Variants in HDX observed in about 807,000 individuals in gnomAD.
HDX encodes the protein chromosome X open reading frame 43.
A neutral mutation model predicts 45.2 loss-of-function variants in HDX; 19 were observed. That is an observed-to-expected ratio of 0.42 (90% CI 0.29 to 0.62). The LOEUF (loss-of-function observed/expected upper bound fraction) is 0.62, where lower values mean the gene tolerates loss of function less well. Among genes scored for constraint, HDX ranks in the 20% least tolerant of loss-of-function variants. The pLI is 0.20. For missense variants in HDX, 532 were observed against 493.9 expected, an observed-to-expected ratio of 1.08 and a Z score of -0.73; for synonymous variants, 188 against 172.8, an observed-to-expected ratio of 1.09 and a Z score of -0.69.
intron 8 of HDX, 33 bp from the exon 9 acceptor site, chrX:84,333,875 A>G: frequency 6.8e-6 from 4 of 592,292 alleles, no homozygotes; most frequent in Non-Finnish European, 1.1e-5. Context: ...ACAAATATAT[A>G]TCACATCATT....
intron 4 of HDX, among the ~76,000 whole-genome samples, chrX:84,458,553 C>T (rs1184345226): frequency 8.9e-6 from 1 of 112,008 alleles, no homozygotes; most frequent in Non-Finnish European, 1.9e-5. Flanking sequence ...AAAACATATA[C>T]CATAATCACA....
At position 84,468,650 on chromosome X, in the gene HDX, C is replaced by T. The variant is rs991499364; in HGVS notation, c.1073G>A (p.Arg358Lys). 1.7e-6 allele frequency: 2 copies of T among 1,206,004 alleles called. No individual in the cohort carries two copies. Among genetic ancestry groups the T allele is most frequent in the Non-Finnish European group, 2.2e-6 (2 of 891,890 alleles). ...ATACAGTACATTGTCTGACATATCTCTAATATTCACCATTTGTGAATTTGG... is the reference window on the plus strand; with the variant it reads ...ATACAGTACATTGTCTGACATATCTTTAATATTCACCATTTGTGAATTTGG... Reference protein sequence around the residue: ...NMPNSQMVNIRDMSDNVLYQN... With the variant: ...NMPNSQMVNIKDMSDNVLYQN... Residue 358 changes from arginine to lysine, a missense_variant, in exon 4 of 11, where the codon AGA (arginine) becomes AAA (lysine). By Grantham distance (26) the Arg-to-Lys change is conservative (BLOSUM62 2). Coordinates refer to ENST00000373177, the MANE Select transcript of HDX (RefSeq NM_001177479.2).
intron 4 of HDX, among the ~76,000 whole-genome samples, chrX:84,451,378 A>G (rs1355440180): frequency 9.0e-6 from 1 of 111,275 alleles, no homozygotes; most frequent in Non-Finnish European, 1.9e-5. Context: ...AGATCATCAG[A>G]GACTATAAAG....
intron 9 of HDX, among the ~76,000 whole-genome samples, chrX:84,332,477 C>A (rs1001011208): frequency 1.8e-5 from 2 of 110,955 alleles, no homozygotes; most frequent in Non-Finnish European, 3.8e-5. Context: ...TTTTTAGCGC[C>A]AAACCTTTTC....
intron 5 of HDX, among the ~76,000 whole-genome samples, chrX:84,425,680 C>A (rs1227386067): frequency 9.0e-6 from 1 of 111,115 alleles, no homozygotes; most frequent in Non-Finnish European, 1.9e-5. Flanking sequence ...CTGGAGAGAG[C>A]ATGAAGTGAA....
At chrX:84,353,094 T>C (rs1384947828) in intron 6 of HDX, among the ~76,000 whole-genome samples, 1 of 112,445 alleles carries the variant, frequency 8.9e-6, no homozygotes, top group Non-Finnish European at 1.9e-5. Flanking sequence ...TATGTGAATA[T>C]TGGAAGTATG....
At chrX:84,324,965 A>C (rs1002419432) in intron 10 of HDX, among the ~76,000 whole-genome samples, 1 of 111,543 alleles carries the variant, frequency 9.0e-6, no homozygotes, top group Non-Finnish European at 1.9e-5. Flanking sequence ...ACACATTTTC[A>C]GTATGTCGTG....
chrX:84,357,601 T>A (rs770973140), intron 6 of HDX, among the ~76,000 whole-genome samples: 1 of 111,398 alleles, frequency 9.0e-6, no homozygotes, highest in South Asian at 3.8e-4. Flanking sequence ...AATGAGGAAA[T>A]CTTAAAGAGA....
chrX:84,377,714 G>GA (rs1304842641), intron 5 of HDX, among the ~76,000 whole-genome samples: 8 of 106,600 alleles, frequency 7.5e-5, no homozygotes, highest in African/African-American at 1.0e-4. Context: ...GGGACAAAAG[G>GA]AAAAAAAAAT....
At chrX:84,397,978 G>A (rs763937898) in intron 5 of HDX, among the ~76,000 whole-genome samples, 23 of 110,437 alleles carry the variant, frequency 2.1e-4, no homozygotes, top group South Asian at 2.0e-3. Context: ...ATCCTGCACC[G>A]GCAACCAAGG....
At chrX:84,422,915 G>A (rs779585916) in intron 5 of HDX, among the ~76,000 whole-genome samples, 8 of 109,650 alleles carry the variant, frequency 7.3e-5, no homozygotes, top group South Asian at 7.8e-4. Context: ...TGATCCGCCC[G>A]CCTCGGCCTC....
chrX:84,445,084 C>T (rs183147224), intron 4 of HDX, among the ~76,000 whole-genome samples: 13 of 111,818 alleles, frequency 1.2e-4, no homozygotes, highest in Admixed American at 1.1e-3. Context: ...ATGTTAAAAA[C>T]ATTCATTTGA....
At chrX:84,399,514 A>G (rs1169954393) in intron 5 of HDX, among the ~76,000 whole-genome samples, 1 of 111,269 alleles carries the variant, frequency 9.0e-6, no homozygotes, top group African/African-American at 3.3e-5. Context: ...CTAAACCAGG[A>G]AGAAATCTAT....
intron 6 of HDX, among the ~76,000 whole-genome samples, chrX:84,350,590 T>C (rs1355537668): frequency 8.9e-6 from 1 of 111,812 alleles, no homozygotes; most frequent in Admixed American, 9.5e-5. Context: ...TCCCACTTTG[T>C]CCCCTGTAAT....
At chrX:84,335,456 C>T (rs1242986551) in intron 8 of HDX, among the ~76,000 whole-genome samples, 2 of 111,180 alleles carry the variant, frequency 1.8e-5, no homozygotes, top group Non-Finnish European at 3.8e-5. Flanking sequence ...AAATTAGGTG[C>T]CTAAATGACT....
chrX:84,415,696 A>G (rs928052402), intron 5 of HDX, among the ~76,000 whole-genome samples: 69 of 112,200 alleles, frequency 6.1e-4, no homozygotes, highest in African/African-American at 2.2e-3. Flanking sequence ...ACAATTTCTT[A>G]TATTAAATTT....
chrX:84,419,613 G>A (rs778324875), intron 5 of HDX, among the ~76,000 whole-genome samples: 17 of 112,237 alleles, frequency 1.5e-4, no homozygotes, highest in East Asian at 8.5e-4. Context: ...GAAAGACACA[G>A]GCCTGACTGG....
At chrX:84,484,528 C>A (rs994191063) in intron 2 of HDX, among the ~76,000 whole-genome samples, 1 of 75 alleles carries the variant, frequency 0.013, no homozygotes, top group African/African-American at 0.071. Flanking sequence ...TTACCTCCCA[C>A]AGGTCCCGCC....
chrX:84,367,767 C>G (rs1022538923), intron 5 of HDX, among the ~76,000 whole-genome samples: 4 of 111,819 alleles, frequency 3.6e-5, no homozygotes, highest in South Asian at 3.8e-4. Context: ...AACCAAACAC[C>G]GCATGTTCTC....
Sources: allele counts gnomAD v4.1 joint callset (sites outside exome capture counted in the v4.1 genomes callset), GRCh38; gene constraint gnomAD v4.1.1; transcripts MANE v1.5; gene names NCBI Gene and HGNC (gene_info 2026-07-23, HGNC 2026-07-21).